The following HIC1 variants were observed in gnomAD, a reference collection of about 807,000 sequenced individuals.
HIC1 encodes the protein hypermethylated in cancer 1 protein.
In HIC1, 9 loss-of-function variants were observed where a neutral mutation model predicts 26.4. That is an observed-to-expected ratio of 0.34 (90% CI 0.21 to 0.59). HIC1 has a LOEUF of 0.59. HIC1 is among the 20% of genes least tolerant of loss of function. The pLI is 0.82. For missense variants in HIC1, 965 were observed against 1,075.7 expected (o/e 0.90, Z 1.44); for synonymous variants, 631 against 523.1 (o/e 1.21, Z -2.81).
rs369849591 is a variant in HIC1, at chr17:2,056,205, C to T, written c.-20-466C>T. 9.1e-5 allele frequency: 92 copies of T among 1,008,888 alleles called. No homozygotes were observed. The South Asian group carries it at 1.1e-3, about 12-fold the overall frequency. 62.5% of individuals were successfully genotyped at this position (1,008,888 alleles called of 1,614,324 possible). A position where few individuals can be genotyped will look rare whatever the true frequency, so the allele number is the denominator to read the frequency against. On this transcript the variant is annotated intron_variant, in intron 1 of 1. Coordinates refer to ENST00000619757, the MANE Select transcript of HIC1 (RefSeq NM_006497.4). ...GGCGCCAGGGCGGGCACCGCGCTCC[C>T]CTCCTCCGTATCACTTCCCCCAACT...
chr17:2,057,158 C>A lies in HIC1; in HGVS notation c.468C>A (p.Gly156=). 1 of 1,321,130 alleles carries A rather than the reference C, an allele frequency of 7.6e-7. No homozygotes were observed. Among genetic ancestry groups the A allele is most frequent in the Non-Finnish European group, 9.6e-7 (1 of 1,042,728 alleles). The allele number at this position is 1,321,130 out of a possible 1,614,324, so 81.8% of individuals were successfully genotyped here. A position where few individuals can be genotyped will look rare whatever the true frequency, so the allele number is the denominator to read the frequency against. Residue 156 remains glycine, a synonymous_variant, in exon 2 of 2, where the codon GGC becomes GGA. Transcript: ENST00000619757. ...GGGYAPYGRP[G]RGLRAATPVI... is the part of the protein sequence containing the mutation. The stretch of plus-strand genomic sequence containing the variant: ...GCTACGCGCCCTATGGTCGGCCGGG[C>A]CGGGGCCTGCGGGCCGCCACGCCGG...
rs531902663 is a variant in HIC1, at chr17:2,055,336, C to T, written c.-21+98C>T. ...CGGGTGCATCTTCTGGCGCGGGTGC[C>T]CCATCGCGGCTGGCGGCTGGCGTTC... On this transcript the variant is annotated intron_variant, in intron 1 of 1. Coordinates refer to ENST00000619757, the MANE Select transcript of HIC1 (RefSeq NM_006497.4). This position sits in a 1 kb window ranked among gnomAD's most constrained non-coding sequence, Gnocchi z 6.4. 133 of 152,296 alleles carry T rather than the reference C, an allele frequency of 8.7e-4. 1 individual carries two copies. Among genetic ancestry groups the T allele is most frequent in the African/African-American group, 3.1e-3 (129 of 41,554 alleles). 9.4% of individuals were successfully genotyped at this position (152,296 alleles called of 1,614,324 possible).
Position 2,058,953 on chromosome 17 carries a change from T to C in HIC1, c.*118T>C. 1 of 934,974 alleles carries C rather than the reference T, an allele frequency of 1.1e-6. No homozygotes were observed. Among genetic ancestry groups the C allele is most frequent in the South Asian group, 2.4e-5 (1 of 41,730 alleles). 57.9% of individuals were successfully genotyped at this position (934,974 alleles called of 1,614,324 possible). ...CGGGACAACCGCAGCGTCGCCACAG[T>C]GGCGGCTCCACCTCTCGGCGGCCTC... On this transcript the variant is annotated 3_prime_UTR_variant, in exon 2 of 2. Coordinates refer to ENST00000619757, the MANE Select transcript of HIC1 (RefSeq NM_006497.4).
At position 2,058,965 on chromosome 17, in the gene HIC1, C is replaced by T. The variant is rs1246400527; in HGVS notation, c.*130C>T. The T allele has an allele frequency of 5.9e-6, 5 of 848,914 alleles. No homozygotes were observed. The highest frequency in any genetic ancestry group is 8.4e-6 in the Non-Finnish European group (5 of 593,358). 52.6% of individuals were successfully genotyped at this position (848,914 alleles called of 1,614,324 possible). On this transcript the variant is annotated 3_prime_UTR_variant, in exon 2 of 2. Coordinates refer to ENST00000619757, the MANE Select transcript of HIC1 (RefSeq NM_006497.4). ...AGCGTCGCCACAGTGGCGGCTCCAC[C>T]TCTCGGCGGCCTCACCTGGCCTCAC...
In HIC1 at chr17:2,055,575, C is replaced by T. The variant is rs2067664199; in HGVS notation, c.-21+337C>T. Among the ~76,000 whole-genome samples, 1 of 150,572 alleles carries T rather than the reference C, an allele frequency of 6.6e-6. No homozygotes were observed. The highest frequency in any genetic ancestry group is 6.6e-5 in the Admixed American group (1 of 15,204). ...CTGGCAGCGGCGGGTGGGGCATCGG[C>T]TAAGAGCTGCCACCGCCGCGGGGAG... On this transcript the variant is annotated intron_variant, in intron 1 of 1. Transcript: ENST00000619757. This position sits in a 1 kb window ranked among gnomAD's most constrained non-coding sequence, Gnocchi z 6.4.
chr17:2,056,907 G>A lies in HIC1; in HGVS notation c.217G>A (p.Ala73Thr). The change falls in exon 2 of 2, where the codon GCC (alanine) becomes ACC (threonine). Residue 73 changes from alanine to threonine, a missense_variant. Coordinates refer to ENST00000619757, the MANE Select transcript of HIC1 (RefSeq NM_006497.4). Reference sequence around the variant, plus strand: ...CCTGGACCATGACATGGTGAGCCCGGCCGTGTTCCGCCTGGTGCTGGACTT... The same window carrying A: ...CCTGGACCATGACATGGTGAGCCCGACCGTGTTCCGCCTGGTGCTGGACTT... ...LNLDHDMVSP[A>T]VFRLVLDFIY... 1.2e-6 allele frequency: 2 copies of A among 1,612,688 alleles called. No individual in the cohort carries two copies. Among genetic ancestry groups the A allele is most frequent in the Non-Finnish European group, 1.7e-6 (2 of 1,179,834 alleles).
chr17:2,058,029 C>T lies in HIC1; in HGVS notation c.1339C>T (p.Leu447=), dbSNP rs987306609. The change falls in exon 2 of 2, where the codon CTG becomes TTG. Residue 447 remains leucine (L), a synonymous_variant. Transcript: ENST00000619757. ...GGCTCACGTGGAGGAGGAGGAAGCG[C>T]TGTACGGCAGGGCCGAGGCGGCCGA... ...VEAHVEEEEA[L]YGRAEAAEVA... 19 of 1,596,722 alleles carry T rather than the reference C, an allele frequency of 1.2e-5. No individual in the cohort carries two copies. In the African/African-American group the frequency reaches 2.4e-4, roughly 20 times the overall value.
rs553432194 is a variant in HIC1, at chr17:2,061,697, GA to G, written c.*2864del. 7.5e-5 allele frequency: 112 copies of G among 1,495,768 alleles called. No homozygotes were observed. In the African/African-American group the frequency reaches 1.4e-3, roughly 18 times the overall value. The allele number at this position is 1,495,768 out of a possible 1,614,324, so 92.7% of individuals were successfully genotyped here. A position where few individuals can be genotyped will look rare whatever the true frequency, so the allele number is the denominator to read the frequency against. ...GGCTGGCTGCTCTTCTCACCCTGGA[GA>G]ATGTGGTCCTGGGGAGGGGGTGCCA... On this transcript the variant is annotated 3_prime_UTR_variant, in exon 2 of 2. Transcript: ENST00000619757.
chr17:2,058,730 C>G lies in HIC1; in HGVS notation c.2040C>G (p.Ala680=), dbSNP rs1375476377. ...TCTACCCGCTGGCCAAGTTCACGGC[C>G]GAGCTGGGCCTCAGCCCCGACAAGG... ...ESLYPLAKFT[A]ELGLSPDKAA... is the part of the protein sequence containing the mutation. The change falls in exon 2 of 2, where the codon GCC becomes GCG. Residue 680 remains alanine (A), a synonymous_variant. Transcript: ENST00000619757. 1 of 1,531,654 alleles carries G rather than the reference C, an allele frequency of 6.5e-7. No homozygotes were observed. Among genetic ancestry groups the G allele is most frequent in the East Asian group, 2.6e-5 (1 of 39,126 alleles). 94.9% of individuals were successfully genotyped at this position (1,531,654 alleles called of 1,614,324 possible).
rs538420693 is a variant in HIC1, at chr17:2,062,053, T to C, written c.*3218T>C. 6.9e-4 allele frequency: 109 copies of C among 157,996 alleles called. 1 individual carries two copies. The Middle Eastern group carries it at 0.013, about 19-fold the overall frequency. 9.8% of individuals were successfully genotyped at this position (157,996 alleles called of 1,614,324 possible). On this transcript the variant is annotated 3_prime_UTR_variant, in exon 2 of 2. Transcript: ENST00000619757. Reference sequence around the variant, plus strand: ...CCTCTAAAAGCCAGCAGGTTGAAGCTTTACGCATCCAGAGGCAGAAAACTA... The same window carrying C: ...CCTCTAAAAGCCAGCAGGTTGAAGCCTTACGCATCCAGAGGCAGAAAACTA...
Position 2,057,180 on chromosome 17 carries a change from C to A in HIC1, c.490C>A (p.Pro164Thr). ...GGGCCGGGGCCTGCGGGCCGCCACG[C>A]CGGTCATCCAGGCCTGCTACCCGTC... ...RPGRGLRAATPVIQACYPSPV... is the reference protein window; with the variant it reads ...RPGRGLRAATTVIQACYPSPV... Residue 164 changes from proline to threonine, a missense_variant, in exon 2 of 2, where the codon CCG becomes ACG. By Grantham distance (38) the Pro-to-Thr change is conservative. Coordinates refer to ENST00000619757, the MANE Select transcript of HIC1 (RefSeq NM_006497.4). 1 of 1,340,142 alleles carries A rather than the reference C, an allele frequency of 7.5e-7. No homozygotes were observed. The highest frequency in any genetic ancestry group is 9.5e-7 in the Non-Finnish European group (1 of 1,050,994). The allele number at this position is 1,340,142 out of a possible 1,614,324, so 83.0% of individuals were successfully genotyped here.
intron 1 of HIC1, chr17:2,056,230 TG>T: frequency 1.6e-6 from 2 of 1,256,918 alleles, no homozygotes; most frequent in Non-Finnish European, 2.3e-6. Flanking sequence ...TTCCCCCAAC[TG>T]GGGCAACTTC....
chr17:2,063,056 G>A lies in HIC1; in HGVS notation c.*4221G>A, dbSNP rs1408775101. 6.6e-6 allele frequency: 1 copy of A among 152,270 alleles called. No individual in the cohort carries two copies. Among genetic ancestry groups the A allele is most frequent in the Non-Finnish European group, 1.5e-5 (1 of 68,148 alleles). 9.4% of individuals were successfully genotyped at this position (152,270 alleles called of 1,614,324 possible). On this transcript the variant is annotated 3_prime_UTR_variant, in exon 2 of 2. Transcript: ENST00000619757. The stretch of plus-strand genomic sequence containing the variant: ...GTGTGGCTGGGGTGGTGGTATGCAG[G>A]GCTGTGTGGGGCTCCCAGCTGACTG...
rs894970159 is a variant in HIC1 at position 2,061,531 on chromosome 17, C to T, written c.*2696C>T. 6.3e-7 allele frequency: 1 copy of T among 1,575,204 alleles called. No homozygotes were observed. The highest frequency in any genetic ancestry group is 1.3e-5 in the African/African-American group (1 of 74,074). ...CCCACGTGAGGAAGGCTGGGATGTC[C>T]CGTACAGGAACATTCCTTGTGAGCG... On this transcript the variant is annotated 3_prime_UTR_variant, in exon 2 of 2. Transcript: ENST00000619757.
At chr17:2,056,575 C>T in intron 1 of HIC1, 96 bp from the exon 2 acceptor site, 1 of 1,444,872 alleles carries the variant, frequency 6.9e-7, no homozygotes, top group Non-Finnish European at 9.1e-7. Flanking sequence ...CCCCGCTCAG[C>T]TGAGGGAAGG....
chr17:2,059,888 G>T lies in HIC1; in HGVS notation c.*1053G>T. On this transcript the variant is annotated 3_prime_UTR_variant, in exon 2 of 2. Coordinates refer to ENST00000619757, the MANE Select transcript of HIC1 (RefSeq NM_006497.4). ...TTATTAAGGAAACAAAACCAGTGCT[G>T]CAAACGGGACAGAAAGGAGAGCTGG... 1 of 160,594 alleles carries T rather than the reference G, an allele frequency of 6.2e-6. No homozygotes were observed. The allele number at this position is 160,594 out of a possible 1,614,324, so 9.9% of individuals were successfully genotyped here.
At position 2,057,702 on chromosome 17, in the gene HIC1, G is replaced by A. The variant is rs2067686379; in HGVS notation, c.1012G>A (p.Glu338Lys). 2.7e-6 allele frequency: 4 copies of A among 1,479,788 alleles called. No homozygotes were observed. The highest frequency in any genetic ancestry group is 3.6e-6 in the Non-Finnish European group (4 of 1,121,216). 91.7% of individuals were successfully genotyped at this position (1,479,788 alleles called of 1,614,324 possible). A position where few individuals can be genotyped will look rare whatever the true frequency, so the allele number is the denominator to read the frequency against. ...RERGSPSERC[E>K]ERGGDAAVSP... ...GCGCGGCTCCCCCAGCGAGCGCTGC[G>A]AAGAGCGTGGTGGGGACGCGGCCGT... The change falls in exon 2 of 2, where the codon GAA becomes AAA. Residue 338 changes from glutamate to lysine, a missense_variant. By Grantham distance (56) the Glu-to-Lys change is moderately conservative. Coordinates refer to ENST00000619757, the MANE Select transcript of HIC1 (RefSeq NM_006497.4).
chr17:2,058,731 G>A lies in HIC1; in HGVS notation c.2041G>A (p.Glu681Lys). 1 of 1,533,918 alleles carries A rather than the reference G, an allele frequency of 6.5e-7. No homozygotes were observed. Among genetic ancestry groups the A allele is most frequent in the Admixed American group, 2.0e-5 (1 of 50,318 alleles). Residue 681 changes from glutamate (E) to lysine (K), a missense_variant, in exon 2 of 2, where the codon GAG becomes AAG. This residue lies in a region of HIC1 where 210 missense variants were observed against 179.2 expected (regional missense o/e 1.17). Transcript: ENST00000619757. ...SLYPLAKFTA[E>K]LGLSPDKAAE... Reference sequence around the variant, plus strand: ...CTACCCGCTGGCCAAGTTCACGGCCGAGCTGGGCCTCAGCCCCGACAAGGC... The same window carrying A: ...CTACCCGCTGGCCAAGTTCACGGCCAAGCTGGGCCTCAGCCCCGACAAGGC...
chr17:2,056,580 G>A (rs879271527), intron 1 of HIC1, 91 bp from the exon 2 acceptor site: 3 of 1,449,792 alleles, frequency 2.1e-6, no homozygotes, highest in Non-Finnish European at 2.7e-6. Flanking sequence ...CTCAGCTGAG[G>A]GAAGGGGAAG....
Sources: allele counts gnomAD v4.1 joint callset (sites outside exome capture counted in the v4.1 genomes callset), GRCh38; gene constraint gnomAD v4.1.1; regional missense constraint gnomAD v4.1.1; non-coding constraint Gnocchi (gnomAD v3.1); transcripts MANE v1.5; gene names NCBI Gene and HGNC (gene_info 2026-07-23, HGNC 2026-07-21).